Variants in ZNF253 observed in about 807,000 individuals in gnomAD.
ZNF253 encodes zinc finger protein 253.
Under a neutral mutation model 11.9 loss-of-function variants are expected in ZNF253, and 8 were observed. The ratio of observed to expected loss-of-function variants is 0.67; its 90% CI spans 0.40 to 1.22. ZNF253 has a LOEUF of 1.22. ZNF253 is among the 50% of genes most tolerant of loss of function. ZNF253 has a pLI of 0.01. For synonymous variants in ZNF253, 194 were observed against 194.9 expected, an observed-to-expected ratio of 1.00 and a Z score of 0.04; for missense variants, 485 against 586.9, an observed-to-expected ratio of 0.83 and a Z score of 1.79.
rs550113374 is a variant in ZNF253 at position 19,892,920 on chromosome 19, A to G, written c.*173A>G. 3.3e-6 allele frequency: 2 copies of G among 606,218 alleles called. No individual in the cohort carries two copies. The highest frequency in any genetic ancestry group is 3.3e-5 in the Admixed American group (1 of 30,436). The allele number at this position is 606,218 out of a possible 1,614,324, so 37.6% of individuals were successfully genotyped here. A position where few individuals can be genotyped will look rare whatever the true frequency, so the allele number is the denominator to read the frequency against. On this transcript the variant is annotated 3_prime_UTR_variant, in exon 4 of 4. Coordinates refer to ENST00000589717, the MANE Select transcript of ZNF253 (RefSeq NM_021047.3). ...CCCTTATTACACATAATTCATACCA[A>G]ACAGAAGCCCTACAAGTGTGAAGAA...
At chr19:19,869,501 A>G (rs1470782694) in intron 1 of ZNF253, among the ~76,000 whole-genome samples, 1 of 151,876 alleles carries the variant, frequency 6.6e-6, no homozygotes, top group African/African-American at 2.4e-5. Flanking sequence ...AGCTGGGATT[A>G]CAGGCATGCA....
At chr19:19,872,985 G>A (rs911653736) in intron 1 of ZNF253, among the ~76,000 whole-genome samples, 3 of 152,028 alleles carry the variant, frequency 2.0e-5, no homozygotes, top group African/African-American at 7.3e-5. Flanking sequence ...AAAAAGGGCC[G>A]GACTTTGGAT....
chr19:19,875,623 C>G lies in ZNF253; in HGVS notation c.4-2858C>G, dbSNP rs547395015. Among the ~76,000 whole-genome samples, 321 of 152,292 alleles carry G rather than the reference C, an allele frequency of 2.1e-3. 3 individuals are homozygous for G. Among genetic ancestry groups the G allele is most frequent in the African/African-American group, 7.3e-3 (304 of 41,566 alleles). On this transcript the variant is annotated intron_variant, in intron 1 of 3. Coordinates refer to ENST00000589717, the MANE Select transcript of ZNF253 (RefSeq NM_021047.3). ...TGTTAGCCAGGATGGTCTCGATCTC[C>G]TGACCTCGTGATCCGCCCGCCTCGG... is the stretch of plus-strand genomic sequence containing the variant.
intron 3 of ZNF253, among the ~76,000 whole-genome samples, 178 bp from the exon 4 acceptor site, chr19:19,891,296 T>G (rs943404640): frequency 1.3e-5 from 2 of 152,236 alleles, no homozygotes; most frequent in East Asian, 3.8e-4. Context: ...TTTTTTACAA[T>G]TTTATTTTTG....
rs745526060 is a variant in ZNF253 at position 19,891,973 on chromosome 19, C to T, written c.726C>T (p.Asn242=). Residue 242 remains asparagine, a synonymous_variant, in exon 4 of 4, where the codon AAC becomes AAT. Coordinates refer to ENST00000589717, the MANE Select transcript of ZNF253 (RefSeq NM_021047.3). ...ECGKAFKQSS[N]LTTHKKIHTG... is the part of the protein sequence containing the mutation. ...GCAAAGCCTTTAAGCAGTCCTCAAA[C>T]CTTACTACACATAAGAAAATTCATA... 2.9e-5 allele frequency: 46 copies of T among 1,613,808 alleles called. No individual in the cohort carries two copies. The highest frequency in any genetic ancestry group is 3.7e-5 in the Non-Finnish European group (44 of 1,180,016).
At chr19:19,865,858 T>G (rs1044829491), upstream of ZNF253, 1 of 1,156,290 alleles carries the variant, frequency 8.6e-7, no homozygotes, top group African/African-American at 1.5e-5. Flanking sequence ...GGGCCTTTGT[T>G]TCTCGCTGCA....
intron 1 of ZNF253, among the ~76,000 whole-genome samples, chr19:19,869,338 G>A (rs1386763663): frequency 1.3e-5 from 2 of 151,978 alleles, no homozygotes; most frequent in African/African-American, 4.8e-5. Flanking sequence ...TTATGTGTAG[G>A]GTTTGTAGGC....
chr19:19,889,383 G>A (rs2063219731), intron 3 of ZNF253, among the ~76,000 whole-genome samples: 4 of 151,980 alleles, frequency 2.6e-5, no homozygotes, highest in African/African-American at 9.7e-5. Context: ...GTCTCACTCT[G>A]TTGCCCAGGC....
rs557821876 is a variant in ZNF253 at position 19,889,796 on chromosome 19, C to T, written c.227-1678C>T. On this transcript the variant is annotated intron_variant, in intron 3 of 3. Coordinates refer to ENST00000589717, the MANE Select transcript of ZNF253 (RefSeq NM_021047.3). Reference sequence around the variant, plus strand: ...CTGGGATTACAGGCACATGCCACCACGCCCAGCTAATTTTTGTATTTTTAG... The same window carrying T: ...CTGGGATTACAGGCACATGCCACCATGCCCAGCTAATTTTTGTATTTTTAG... 3.3e-5 allele frequency among the ~76,000 whole-genome samples: 5 copies of T among 152,220 alleles called. No homozygotes were observed. The East Asian group carries it at 7.7e-4, about 24-fold the overall frequency.
At chr19:19,870,955 A>G (rs1599549598) in intron 1 of ZNF253, 1 of 152,248 alleles carries the variant, frequency 6.6e-6, no homozygotes, top group African/African-American at 2.4e-5. Flanking sequence ...GATCAATCTG[A>G]TATCTAACCT....
rs2063244827 is a variant in ZNF253 at position 19,894,089 on chromosome 19, T to G, written c.*1342T>G. 6.6e-6 allele frequency: 1 copy of G among 152,200 alleles called. No individual in the cohort carries two copies. The highest frequency in any genetic ancestry group is 1.5e-5 in the Non-Finnish European group (1 of 68,036). The allele number at this position is 152,200 out of a possible 1,614,324, so 9.4% of individuals were successfully genotyped here. ...ATCAGAGAATTTTCCATAGAATAATTAAGGCACTGACACTTCAGACATTAC... is the reference window on the plus strand; with the variant it reads ...ATCAGAGAATTTTCCATAGAATAATGAAGGCACTGACACTTCAGACATTAC... On this transcript the variant is annotated 3_prime_UTR_variant, in exon 4 of 4. Coordinates refer to ENST00000589717, the MANE Select transcript of ZNF253 (RefSeq NM_021047.3).
intron 1 of ZNF253, 131 bp downstream of exon 1, chr19:19,866,130 G>C: frequency 8.1e-7 from 1 of 1,238,740 alleles, no homozygotes; most frequent in African/African-American, 1.5e-5. Context: ...TGCCCAGCTC[G>C]GCCTCAGTCC....
intron 3 of ZNF253, among the ~76,000 whole-genome samples, chr19:19,889,599 G>C (rs1042178589): frequency 6.6e-6 from 1 of 151,872 alleles, no homozygotes; most frequent in South Asian, 2.1e-4. Context: ...ACCCACCCCA[G>C]CCTCCCAAAG....
At position 19,893,111 on chromosome 19, in the gene ZNF253, G is replaced by C. The variant is rs935353779; in HGVS notation, c.*364G>C. 1 of 189,890 alleles carries C rather than the reference G, an allele frequency of 5.3e-6. No individual in the cohort carries two copies. Among genetic ancestry groups the C allele is most frequent in the African/African-American group, 2.4e-5 (1 of 42,090 alleles). 11.8% of individuals were successfully genotyped at this position (189,890 alleles called of 1,614,324 possible). ...TTCTGCCTCAGCCTCCCAAGTAGCT[G>C]GGATTACAGGTGCCCAACACCACGC... On this transcript the variant is annotated 3_prime_UTR_variant, in exon 4 of 4. Transcript: ENST00000589717.
At position 19,891,753 on chromosome 19, in the gene ZNF253, TA is replaced by T; in HGVS notation, c.509del (p.Asn170IlefsTer6). The T allele has an allele frequency of 6.2e-7, 1 of 1,614,126 alleles. No individual in the cohort carries two copies. The highest frequency in any genetic ancestry group is 2.2e-5 in the East Asian group (1 of 44,872). ...ACATATAAGACAAGACATACTGGAA[TA>T]AATCTTTTCAAATGTATAATATGTG... ...SNTYKTRHTGINLFKCIICGK... is the reference protein window; with the variant it reads ...SNTYKTRHTGXNLFKCIICGK... On this transcript the variant is annotated frameshift_variant, in exon 4 of 4. Coordinates refer to ENST00000589717, the MANE Select transcript of ZNF253 (RefSeq NM_021047.3). LOFTEE classifies it low-confidence loss of function (END_TRUNC).
At chr19:19,868,659 A>T (rs1461925242) in intron 1 of ZNF253, among the ~76,000 whole-genome samples, 1 of 151,676 alleles carries the variant, frequency 6.6e-6, no homozygotes, top group East Asian at 1.9e-4. Flanking sequence ...GAGTTCAAAA[A>T]CTCTTTAAAA....
At chr19:19,891,255 G>A (rs2063228347) in intron 3 of ZNF253, among the ~76,000 whole-genome samples, 2 of 152,112 alleles carry the variant, frequency 1.3e-5, no homozygotes, top group Admixed American at 1.3e-4. Flanking sequence ...TGCTCACCTG[G>A]AGCCCTTCAC....
Position 19,892,922 on chromosome 19 carries a change from C to T in ZNF253, c.*175C>T, listed in dbSNP as rs116451751. Reference sequence around the variant, plus strand: ...CTTATTACACATAATTCATACCAAACAGAAGCCCTACAAGTGTGAAGAATG... The same window carrying T: ...CTTATTACACATAATTCATACCAAATAGAAGCCCTACAAGTGTGAAGAATG... On this transcript the variant is annotated 3_prime_UTR_variant, in exon 4 of 4. Coordinates refer to ENST00000589717, the MANE Select transcript of ZNF253 (RefSeq NM_021047.3). The T allele has an allele frequency of 2.5e-3, 1,512 of 599,328 alleles. 19 individuals are homozygous for T. The African/African-American group carries it at 0.026, about 10-fold the overall frequency. 37.1% of individuals were successfully genotyped at this position (599,328 alleles called of 1,614,324 possible). A position where few individuals can be genotyped will look rare whatever the true frequency, so the allele number is the denominator to read the frequency against.
At chr19:19,882,194 A>T (rs2063180802) in intron 3 of ZNF253, among the ~76,000 whole-genome samples, 1 of 55,884 alleles carries the variant, frequency 1.8e-5, no homozygotes. Flanking sequence ...CGTCTCAATA[A>T]AAAAAAAAAA....
Sources: gnomAD v4.1 joint callset for allele counts (sites outside exome capture counted in the v4.1 genomes callset) on GRCh38, gnomAD v4.1.1 for gene constraint, MANE v1.5 for transcripts, NCBI Gene and HGNC (gene_info 2026-07-23, HGNC 2026-07-21) for gene names.